The following NFATC2 variants were observed in gnomAD, a reference collection of about 807,000 sequenced individuals.
NFATC2 encodes the protein nuclear factor of activated T-cells, cytoplasmic 2.
A neutral mutation model predicts 87.3 loss-of-function variants in NFATC2; 22 were observed. That is an observed-to-expected ratio of 0.25 (90% CI 0.18 to 0.36). The LOEUF is 0.36. Ranked by LOEUF, NFATC2 falls within the 10% of genes least tolerant of loss-of-function variation. The pLI, the probability that NFATC2 is intolerant of heterozygous loss-of-function variation, is 1.00. For missense variants in NFATC2, 1,149 were observed against 1,259.1 expected (o/e 0.91, Z 1.32); for synonymous variants, 565 against 542.2 (o/e 1.04, Z -0.58).
intron 9 of NFATC2, among the ~76,000 whole-genome samples, chr20:51,427,872 T>C (rs1005510609): frequency 2.0e-5 from 3 of 152,224 alleles, no homozygotes; most frequent in East Asian, 1.9e-4. Context: ...TTCATTGCTG[T>C]CTGAATTTCG....
At chr20:51,561,484 AAAGCAAGCAAGCAAGC>A (rs377087625) in intron 1 of NFATC2, among the ~76,000 whole-genome samples, 2,088 of 89,830 alleles carry the variant, frequency 0.023, 40 homozygotes, top group Admixed American at 0.046. Flanking sequence ...AGAAAGAAAG[AAAGCAAGCAAGCAAGC>A]AAGCAAGCAA....
At chr20:51,553,665 G>C (rs1395030367) in intron 1 of NFATC2, among the ~76,000 whole-genome samples, 6 of 112,500 alleles carry the variant, frequency 5.3e-5, no homozygotes, top group Non-Finnish European at 5.3e-5. Flanking sequence ...GACAGAGCAA[G>C]ACTCCATCTC....
At chr20:51,411,819 C>T (rs1009317660) in intron 9 of NFATC2, among the ~76,000 whole-genome samples, 5 of 151,994 alleles carry the variant, frequency 3.3e-5, no homozygotes, top group Non-Finnish European at 4.4e-5. Context: ...TGAGCCACCG[C>T]GCCTGGCCTG....
chr20:51,427,722 C>A (rs922795623), intron 9 of NFATC2, among the ~76,000 whole-genome samples: 2 of 152,178 alleles, frequency 1.3e-5, no homozygotes, highest in Non-Finnish European at 2.9e-5. Flanking sequence ...TTCCCTCAGA[C>A]CTCCCCAGGT....
chr20:51,459,178 TAAAC>T (rs538295882), intron 5 of NFATC2, among the ~76,000 whole-genome samples: 153 of 152,234 alleles, frequency 1.0e-3, no homozygotes, highest in Admixed American at 8.6e-3. Context: ...GATACACAGA[TAAAC>T]AAAGCGTGGT....
At chr20:51,558,700 C>A (rs897298043) in intron 1 of NFATC2, among the ~76,000 whole-genome samples, 1 of 152,158 alleles carries the variant, frequency 6.6e-6, no homozygotes, top group Non-Finnish European at 1.5e-5. Context: ...TAAAGCCTGG[C>A]CCAGCAGAGA....
intron 9 of NFATC2, among the ~76,000 whole-genome samples, chr20:51,408,235 C>T (rs1415556496): frequency 6.6e-6 from 1 of 152,124 alleles, no homozygotes; most frequent in Non-Finnish European, 1.5e-5. Context: ...CAATACTGGC[C>T]AGGTGTGGTG....
At position 51,499,471 on chromosome 20, in the gene NFATC2, G is replaced by A. The variant is rs564117096; in HGVS notation, c.1332+17313C>T. Among the ~76,000 whole-genome samples the A allele has an allele frequency of 1.1e-4, 16 of 152,266 alleles. No individual in the cohort carries two copies. In the South Asian group the frequency reaches 2.3e-3, roughly 22 times the overall value. The stretch of plus-strand genomic sequence containing the variant: ...GAAAGAGATTCAAAATCTAAAACGC[G>A]GCCGGGCACGGTGGCTCATGCCTAT... On this transcript the variant is annotated intron_variant, in intron 3 of 10. Coordinates refer to ENST00000371564, the MANE Select transcript of NFATC2 (RefSeq NM_012340.5).
chr20:51,440,295 T>C (rs939796602), intron 6 of NFATC2, among the ~76,000 whole-genome samples: 19 of 151,144 alleles, frequency 1.3e-4, no homozygotes, highest in Admixed American at 1.1e-3. Flanking sequence ...TTATGGCTAG[T>C]GGCAACAGAT....
chr20:51,441,385 G>A (rs1984316158), intron 6 of NFATC2, among the ~76,000 whole-genome samples: 1 of 152,056 alleles, frequency 6.6e-6, no homozygotes, highest in African/African-American at 2.4e-5. Context: ...GCCTTCGAGT[G>A]GCAGCTCTCT....
Position 51,453,530 on chromosome 20 carries a change from T to A in NFATC2, c.1849+1018A>T, listed in dbSNP as rs534317350. Reference sequence around the variant, plus strand: ...TAGTATCCAAAATAAGTGTCCCAAGTTATTTGAGCTAATTTCCTTCTAACA... The same window carrying A: ...TAGTATCCAAAATAAGTGTCCCAAGATATTTGAGCTAATTTCCTTCTAACA... On this transcript the variant is annotated intron_variant, in intron 6 of 10. Transcript: ENST00000371564. Among the ~76,000 whole-genome samples the A allele has an allele frequency of 4.6e-5, 7 of 152,354 alleles. No homozygotes were observed. In the South Asian group the frequency reaches 1.5e-3, roughly 32 times the overall value.
chr20:51,412,945 G>A (rs1161919578), intron 9 of NFATC2, among the ~76,000 whole-genome samples: 34 of 128,348 alleles, frequency 2.6e-4, no homozygotes, highest in African/African-American at 4.2e-4. Flanking sequence ...TGAGGCCGCC[G>A]ACCCCACCCC....
intron 1 of NFATC2, among the ~76,000 whole-genome samples, chr20:51,535,297 C>A (rs931782122): frequency 6.6e-6 from 1 of 152,180 alleles, no homozygotes; most frequent in Non-Finnish European, 1.5e-5. Flanking sequence ...GCAAACAGTC[C>A]CTCTCTCCGA....
chr20:51,403,201 ACTCC>A (rs1988229768), intron 9 of NFATC2, among the ~76,000 whole-genome samples: 1 of 152,052 alleles, frequency 6.6e-6, no homozygotes, highest in Non-Finnish European at 1.5e-5. Flanking sequence ...TGTCAACCAT[ACTCC>A]CTCCATACCT....
intron 5 of NFATC2, among the ~76,000 whole-genome samples, chr20:51,469,806 C>T (rs543139698): frequency 2.7e-4 from 41 of 152,290 alleles, no homozygotes; most frequent in South Asian, 1.2e-3. Flanking sequence ...ATGGCACCGG[C>T]GGTTTCTCCC....
At chr20:51,542,763 GCGT>G (rs1568751198), upstream of NFATC2, 72 of 206,046 alleles carry the variant, frequency 3.5e-4, no homozygotes, top group Admixed American at 1.2e-3. Flanking sequence ...GGGGGGGGGG[GCGT>G]GGAGGCGGGG....
intron 3 of NFATC2, among the ~76,000 whole-genome samples, chr20:51,504,953 C>CAATA (rs934602463): frequency 2.1e-5 from 3 of 144,152 alleles, no homozygotes; most frequent in African/African-American, 7.7e-5. Context: ...AATACACCAG[C>CAATA]AATAAGAGTA....
chr20:51,538,796 G>C (rs1184400771), intron 1 of NFATC2, among the ~76,000 whole-genome samples: 2 of 152,232 alleles, frequency 1.3e-5, no homozygotes, highest in Non-Finnish European at 2.9e-5. Context: ...TATGAGGCAA[G>C]TGGTATTATT....
rs1985921611 is a variant in NFATC2, at chr20:51,387,841, A to G, written c.*3655T>C. 6.6e-6 allele frequency: 1 copy of G among 150,520 alleles called. No homozygotes were observed. Among genetic ancestry groups the G allele is most frequent in the Non-Finnish European group, 1.5e-5 (1 of 67,924 alleles). 9.3% of individuals were successfully genotyped at this position (150,520 alleles called of 1,614,324 possible). On this transcript the variant is annotated 3_prime_UTR_variant, in exon 11 of 11. Transcript: ENST00000371564. The stretch of plus-strand genomic sequence containing the variant: ...ACATTCTTTCAATTCTGAGCAATAG[A>G]AAGCACTTGGAAAGGTCTTTTTTTT...
Sources: allele counts gnomAD v4.1 joint callset (sites outside exome capture counted in the v4.1 genomes callset), GRCh38; gene constraint gnomAD v4.1.1; transcripts MANE v1.5; gene names NCBI Gene and HGNC (gene_info 2026-07-23, HGNC 2026-07-21).